Variants in PSMD13 observed in about 807,000 individuals in gnomAD.
PSMD13 encodes proteasome 26S subunit, non-ATPase 13, also known as 26S proteasome non-ATPase regulatory subunit 13.
PSMD13 carries 8 observed loss-of-function variants against 57.4 expected under a neutral mutation model. The ratio of observed to expected loss-of-function variants is 0.14; its 90% CI spans 0.08 to 0.25. PSMD13 has a LOEUF of 0.25. Among genes scored for constraint, PSMD13 ranks in the 10% least tolerant of loss-of-function variants. The pLI, the probability that PSMD13 is intolerant of heterozygous loss-of-function variation, is 1.00. For missense variants in PSMD13, 400 were observed against 461.5 expected (o/e 0.87, Z 1.22); for synonymous variants, 193 against 168.2 (o/e 1.15, Z -1.14).
chr11:248,422 A>T (rs1859700697), intron 7 of PSMD13, among the ~76,000 whole-genome samples: 1 of 152,240 alleles, frequency 6.6e-6, no homozygotes. Flanking sequence ...AACAGAAAGT[A>T]AGTTAGTTCT....
chr11:250,716 T>C, intron 9 of PSMD13, 87 bp from the exon 10 acceptor site: 1 of 1,258,936 alleles, frequency 7.9e-7, no homozygotes, highest in South Asian at 1.2e-5. Context: ...TTGGGTCTAC[T>C]GTTATAGAAC....
chr11:251,566 C>T lies in PSMD13; in HGVS notation c.858C>T (p.Ala286=). 6.2e-7 allele frequency: 1 copy of T among 1,613,856 alleles called. No homozygotes were observed. The highest frequency in any genetic ancestry group is 1.1e-5 in the South Asian group (1 of 91,018). The change falls in exon 11 of 13, where the codon GCC becomes GCT. Residue 286 remains alanine, a synonymous_variant. Transcript: ENST00000532097. The surrounding 1 kb of genome is among the most constrained non-coding windows in gnomAD (Gnocchi z 4.6). ...TCCAGATGACTTTCACACGACCTGC[C>T]AATCACAGACAACTCACTTTTGAAG... ...CLMEMTFTRP[A]NHRQLTFEEI...
At chr11:241,492 A>G (rs1272642058) in intron 2 of PSMD13, among the ~76,000 whole-genome samples, 4 of 152,116 alleles carry the variant, frequency 2.6e-5, no homozygotes, top group African/African-American at 9.7e-5. Context: ...TGGAATATGT[A>G]ATTGCTACAG....
At chr11:247,887 A>T (rs116205667) in intron 7 of PSMD13, 3,350 of 153,798 alleles carry the variant, frequency 0.022, 122 homozygotes, top group African/African-American at 0.076. Context: ...GAAGAAAAAA[A>T]TGGGAAGATT....
intron 2 of PSMD13, among the ~76,000 whole-genome samples, chr11:240,519 A>G (rs962675717): frequency 6.6e-6 from 1 of 152,138 alleles, no homozygotes; most frequent in African/African-American, 2.4e-5. Context: ...TCACTTTTCT[A>G]CACATGACAA....
rs11246037 is a variant in PSMD13 at position 250,619 on chromosome 11, A to G, written c.775-184A>G. ...TTAGGTGCGACTCTTTCCATTTCCT[A>G]AGAAGAATGAAGCTCAGATCACTTG... is the stretch of plus-strand genomic sequence containing the variant. On this transcript the variant is annotated intron_variant, in intron 9 of 12. Transcript: ENST00000532097. Among the ~76,000 whole-genome samples the G allele has an allele frequency of 4.1e-4, 63 of 152,286 alleles. No individual in the cohort carries two copies. In the East Asian group the frequency reaches 0.011, roughly 26 times the overall value.
chr11:247,218 A>G (rs1859666539), intron 6 of PSMD13, 59 bp from the exon 7 acceptor site: 1 of 1,511,010 alleles, frequency 6.6e-7, no homozygotes, highest in Admixed American at 2.1e-5. Flanking sequence ...CCCTGTCTCT[A>G]AAAAAATAAA....
intron 9 of PSMD13, 101 bp downstream of exon 9, chr11:249,158 A>C (rs950568391): frequency 1.5e-5 from 23 of 1,515,248 alleles, no homozygotes; most frequent in Non-Finnish European, 2.0e-5. Context: ...AGGAAAGAAC[A>C]GGGCAAAGAG....
chr11:247,361 A>T lies in PSMD13; in HGVS notation c.481A>T (p.Lys161Ter). The change falls in exon 7 of 13, where the codon AAA becomes TAA. Residue 161 changes from lysine (K) to a stop codon, truncating the protein, a stop_gained. Coordinates refer to ENST00000532097, the MANE Select transcript of PSMD13 (RefSeq NM_002817.4). LOFTEE classifies it high-confidence loss of function. ...VHSRFYDLSS[K>*]YYQTIGNHAS... ...CAGTCGTTTCTATGATCTCTCCAGTAAATACTATCAAACAATCGGAAACCA... is the reference window on the plus strand; with the variant it reads ...CAGTCGTTTCTATGATCTCTCCAGTTAATACTATCAAACAATCGGAAACCA... 1 of 1,614,166 alleles carries T rather than the reference A, an allele frequency of 6.2e-7. No homozygotes were observed. Among genetic ancestry groups the T allele is most frequent in the Non-Finnish European group, 8.5e-7 (1 of 1,179,974 alleles).
At position 245,670 on chromosome 11, in the gene PSMD13, G is replaced by GTT. The variant is rs1436945613; in HGVS notation, c.396+910_396+911insTT. ...TGTGTGTGTGTGTGTGTGTGTGTGTGTGTGTGTGTGTTTGCATGTGTGTTC... is the reference window on the plus strand; with the variant it reads ...TGTGTGTGTGTGTGTGTGTGTGTGTGTTTGTGTGTGTGTTTGCATGTGTGTTC... On this transcript the variant is annotated intron_variant, in intron 6 of 12. Coordinates refer to ENST00000532097, the MANE Select transcript of PSMD13 (RefSeq NM_002817.4). Among the ~76,000 whole-genome samples the GTT allele has an allele frequency of 1.4e-3, 194 of 139,850 alleles. 4 individuals carry two copies. Among genetic ancestry groups the GTT allele is most frequent in the African/African-American group, 5.1e-3 (188 of 36,828 alleles). The allele number at this position is 139,850 out of a possible 152,430, so 91.7% of individuals were successfully genotyped here. A position where few individuals can be genotyped will look rare whatever the true frequency, so the allele number is the denominator to read the frequency against.
chr11:238,491 A>C (rs1465869438), intron 1 of PSMD13, among the ~76,000 whole-genome samples: 2 of 152,138 alleles, frequency 1.3e-5, no homozygotes, highest in Non-Finnish European at 2.9e-5. Context: ...GTTAGTATGG[A>C]TTTAGTATCC....
chr11:241,451 T>A (rs1859513978), intron 2 of PSMD13, among the ~76,000 whole-genome samples: 1 of 152,222 alleles, frequency 6.6e-6, no homozygotes, highest in African/African-American at 2.4e-5. Flanking sequence ...AATGCCATTT[T>A]ATTTAGTTGA....
Position 252,757 on chromosome 11 carries a change from C to T in PSMD13, c.*157C>T. On this transcript the variant is annotated 3_prime_UTR_variant, in exon 13 of 13. Transcript: ENST00000532097. This position sits in a 1 kb window ranked among gnomAD's most constrained non-coding sequence, Gnocchi z 4.1. ...TTCTTGCTCTAAAAACAGGACTGTC[C>T]CTGATGGGAGCCAGGCCACAGGGAG... 3.1e-6 allele frequency: 2 copies of T among 651,298 alleles called. No individual in the cohort carries two copies. The highest frequency in any genetic ancestry group is 5.2e-6 in the Non-Finnish European group (2 of 382,058). The allele number at this position is 651,298 out of a possible 1,614,324, so 40.3% of individuals were successfully genotyped here.
intron 1 of PSMD13, among the ~76,000 whole-genome samples, chr11:238,481 G>C (rs189237244): frequency 4.6e-5 from 7 of 152,332 alleles, no homozygotes; most frequent in African/African-American, 1.4e-4. Flanking sequence ...GTAGAGACTG[G>C]TTAGTATGGA....
At chr11:243,361 A>G in intron 2 of PSMD13, 1 of 350,940 alleles carries the variant, frequency 2.8e-6, no homozygotes, top group Non-Finnish European at 5.8e-6. Context: ...CATTAAGTCC[A>G]ACTGCTAAAC....
intron 2 of PSMD13, among the ~76,000 whole-genome samples, chr11:242,858 C>G (rs1386096626): frequency 6.6e-6 from 1 of 151,978 alleles, no homozygotes; most frequent in Non-Finnish European, 1.5e-5. Context: ...TGCAATGGCA[C>G]AATCTCAGCT....
At chr11:247,589 T>C (rs1308700262) in intron 7 of PSMD13, 141 bp downstream of exon 7, 1 of 916,390 alleles carries the variant, frequency 1.1e-6, no homozygotes, top group Non-Finnish European at 1.6e-6. Context: ...CCCAGCACTT[T>C]GGAAGGCTGA....
At chr11:247,720 T>C (rs770630775) in intron 7 of PSMD13, 19 of 266,472 alleles carry the variant, frequency 7.1e-5, no homozygotes, top group Middle Eastern at 2.4e-3. Context: ...GTAATCCCAG[T>C]TACTCAGGAG....
rs147912385 is a variant in PSMD13, at chr11:249,544, G to A, written c.774+487G>A. Among the ~76,000 whole-genome samples, 1,001 of 140,296 alleles carry A rather than the reference G, an allele frequency of 7.1e-3. 11 individuals are homozygous for A. Among genetic ancestry groups the A allele is most frequent in the African/African-American group, 0.025 (958 of 39,044 alleles). The allele number at this position is 140,296 out of a possible 152,430, so 92.0% of individuals were successfully genotyped here. On this transcript the variant is annotated intron_variant, in intron 9 of 12. Transcript: ENST00000532097. Reference sequence around the variant, plus strand: ...AGAGAATGGGAGAGCGGTGGGTGCAGGGAGGGGGAGAGCGGCGGGTGCGGG... The same window carrying A: ...AGAGAATGGGAGAGCGGTGGGTGCAAGGAGGGGGAGAGCGGCGGGTGCGGG...
Sources: allele counts gnomAD v4.1 joint callset (sites outside exome capture counted in the v4.1 genomes callset), GRCh38; gene constraint gnomAD v4.1.1; non-coding constraint Gnocchi (gnomAD v3.1); transcripts MANE v1.5; gene names NCBI Gene and HGNC (gene_info 2026-07-23, HGNC 2026-07-21).